The following FRRS1 variants were observed in gnomAD, a reference collection of about 807,000 sequenced individuals.
FRRS1 encodes the protein ferric reductase 1.
A neutral mutation model predicts 70.7 loss-of-function variants in FRRS1; 51 were observed. The ratio of observed to expected loss-of-function variants is 0.72; its 90% CI spans 0.58 to 0.91. The LOEUF (loss-of-function observed/expected upper bound fraction) is 0.91. FRRS1 is among the 40% of genes least tolerant of loss of function. FRRS1 has a pLI of 0.00. For missense variants in FRRS1, 672 were observed against 726.0 expected (o/e 0.93, Z 0.86); for synonymous variants, 225 against 238.7 (o/e 0.94, Z 0.53).
At chr1:99,765,881 G>C (rs995183552) in intron 1 of FRRS1, 15 of 152,286 alleles carry the variant, frequency 9.8e-5, no homozygotes, top group African/African-American at 3.6e-4. Context: ...CTCCAGCCTG[G>C]CGGACAGAGC....
At chr1:99,726,798 C>T (rs1655096870) in intron 9 of FRRS1, among the ~76,000 whole-genome samples, 1 of 152,198 alleles carries the variant, frequency 6.6e-6, no homozygotes, top group Non-Finnish European at 1.5e-5. Flanking sequence ...CCTCAACCTC[C>T]TGGGCTCGGG....
At position 99,708,760 on chromosome 1, in the gene FRRS1, G is replaced by A. The variant is rs1312069023; in HGVS notation, c.*268C>T. The A allele has an allele frequency of 1.6e-5, 9 of 553,602 alleles. No homozygotes were observed. Among genetic ancestry groups the A allele is most frequent in the Middle Eastern group, 2.9e-4 (1 of 3,466 alleles). 34.3% of individuals were successfully genotyped at this position (553,602 alleles called of 1,614,324 possible). ...ACCAACATTCTTAAAATCTTGGCAT[G>A]AAATATTTGAGAGTTACTTCTCCTG... On this transcript the variant is annotated 3_prime_UTR_variant, in exon 17 of 17. Transcript: ENST00000646001.
chr1:99,719,720 G>A (rs1557686710), intron 9 of FRRS1, 73 bp from the exon 10 acceptor site: 5 of 811,862 alleles, frequency 6.2e-6, no homozygotes, highest in South Asian at 3.0e-5. Context: ...ATTGAGATAC[G>A]GGCAGGGCAT....
chr1:99,728,243 A>G (rs974207950), intron 9 of FRRS1, among the ~76,000 whole-genome samples: 1 of 152,028 alleles, frequency 6.6e-6, no homozygotes, highest in Admixed American at 6.5e-5. Context: ...TTCTGGTCAC[A>G]TGCATTTTAC....
rs1856405 is a variant in FRRS1 at position 99,759,006 on chromosome 1, C to G, written c.-106+7601G>C. Among the ~76,000 whole-genome samples the G allele has an allele frequency of 6.9e-3, 1,056 of 152,256 alleles. 18 individuals carry two copies. The highest frequency in any genetic ancestry group is 0.024 in the African/African-American group (1,009 of 41,538). ...TGTGGTCAGACCAGTTCTCTACTCT[C>G]GAACCCTGTTTTCTGTTGTTTAAGA... On this transcript the variant is annotated intron_variant, in intron 1 of 16. Transcript: ENST00000646001.
At chr1:99,721,098 T>C (rs1261098236) in intron 9 of FRRS1, among the ~76,000 whole-genome samples, 2 of 152,144 alleles carry the variant, frequency 1.3e-5, no homozygotes, top group African/African-American at 4.8e-5. Context: ...ATTTAAAGGA[T>C]GGCTGGGTGT....
At chr1:99,721,723 C>T (rs1026495129) in intron 9 of FRRS1, among the ~76,000 whole-genome samples, 11 of 151,536 alleles carry the variant, frequency 7.3e-5, no homozygotes, top group Non-Finnish European at 1.3e-4. Flanking sequence ...CTCAGACTCC[C>T]GAGTAGCTGG....
At chr1:99,720,502 T>C (rs1250332613) in intron 9 of FRRS1, among the ~76,000 whole-genome samples, 1 of 152,132 alleles carries the variant, frequency 6.6e-6, no homozygotes, top group African/African-American at 2.4e-5. Flanking sequence ...AATATATATA[T>C]ATGAACCTTT....
At chr1:99,717,819 T>C (rs2100913654) in intron 10 of FRRS1, among the ~76,000 whole-genome samples, 2 of 152,290 alleles carry the variant, frequency 1.3e-5, no homozygotes, top group Middle Eastern at 6.8e-3. Context: ...TTATTCCAGT[T>C]TTGCTGAATG....
intron 9 of FRRS1, among the ~76,000 whole-genome samples, chr1:99,723,243 T>C (rs1415507035): frequency 3.3e-5 from 5 of 152,208 alleles, no homozygotes; most frequent in Non-Finnish European, 7.3e-5. Flanking sequence ...TAAAATTGCA[T>C]TACAATTTCA....
chr1:99,752,527 G>A (rs1467604771), intron 1 of FRRS1, among the ~76,000 whole-genome samples: 1 of 152,162 alleles, frequency 6.6e-6, no homozygotes, highest in Non-Finnish European at 1.5e-5. Context: ...TCTTATACGG[G>A]TGCAGTTTGT....
chr1:99,736,352 TA>T (rs1655656021), intron 7 of FRRS1, among the ~76,000 whole-genome samples: 1 of 152,194 alleles, frequency 6.6e-6, no homozygotes, highest in South Asian at 2.1e-4. Context: ...TCTTATATGT[TA>T]TTTTTTTAAG....
chr1:99,739,868 C>A (rs752682052), intron 6 of FRRS1, among the ~76,000 whole-genome samples: 10 of 130,320 alleles, frequency 7.7e-5, no homozygotes, highest in Non-Finnish European at 1.1e-4. Flanking sequence ...CTGAAACAAC[C>A]TTTCTCAACA....
chr1:99,715,472 A>C (rs1654471816), intron 12 of FRRS1, 114 bp downstream of exon 12: 1 of 664,204 alleles, frequency 1.5e-6, no homozygotes, highest in Non-Finnish European at 2.7e-6. Flanking sequence ...CAAAAGGGAA[A>C]GAAAGAGGGA....
chr1:99,733,150 A>C (rs1240728659), intron 7 of FRRS1, among the ~76,000 whole-genome samples: 1 of 152,174 alleles, frequency 6.6e-6, no homozygotes, highest in Non-Finnish European at 1.5e-5. Context: ...CGCCCAGCCA[A>C]GACGATCTTA....
intron 12 of FRRS1, 71 bp from the exon 13 acceptor site, chr1:99,712,586 T>C: frequency 1.3e-6 from 1 of 771,996 alleles, no homozygotes. Context: ...TTAAAAATAA[T>C]ACACACAGAT....
intron 1 of FRRS1, among the ~76,000 whole-genome samples, chr1:99,756,007 A>C (rs896854577): frequency 6.6e-6 from 1 of 152,168 alleles, no homozygotes; most frequent in Admixed American, 6.5e-5. Context: ...ACTTTTTTTC[A>C]AACTAATACA....
chr1:99,710,666 T>C, intron 15 of FRRS1, 140 bp downstream of exon 15: 2 of 651,920 alleles, frequency 3.1e-6, no homozygotes, highest in Non-Finnish European at 5.1e-6. Flanking sequence ...AAAATCACAA[T>C]TTCTAGCACT....
chr1:99,747,723 G>A, intron 3 of FRRS1: 1 of 267,520 alleles, frequency 3.7e-6, no homozygotes, highest in East Asian at 8.4e-5. Context: ...AATGCTAGAT[G>A]ATACCAATTG....
Sources: allele counts gnomAD v4.1 joint callset (sites outside exome capture counted in the v4.1 genomes callset), GRCh38; gene constraint gnomAD v4.1.1; transcripts MANE v1.5; gene names NCBI Gene and HGNC (gene_info 2026-07-23, HGNC 2026-07-21).